The following ERVFRD-1 variants were observed in gnomAD, a reference collection of about 807,000 sequenced individuals.
The protein encoded by ERVFRD-1 is endogenous retrovirus group FRD member 1, envelope.
ERVFRD-1 carries 33 observed loss-of-function variants against 43.8 expected under a neutral mutation model. The ratio of observed to expected loss-of-function variants is 0.75; its 90% CI spans 0.57 to 1.01. ERVFRD-1 has a LOEUF of 1.01. ERVFRD-1 is among the 50% of genes least tolerant of loss of function. The pLI is 0.00. For missense variants in ERVFRD-1, 568 were observed against 658.4 expected (o/e 0.86, Z 1.50); for synonymous variants, 239 against 244.4 (o/e 0.98, Z 0.21).
At chr6:11,106,714 G>A (rs988843156) in intron 1 of ERVFRD-1, among the ~76,000 whole-genome samples, 1 of 152,216 alleles carries the variant, frequency 6.6e-6, no homozygotes, top group African/African-American at 2.4e-5. Context: ...TGAGATGCCT[G>A]TCTCTTTAGC....
chr6:11,104,664 A>G lies in ERVFRD-1; in HGVS notation c.647T>C (p.Leu216Pro). The change falls in exon 2 of 2, where the codon CTG becomes CCG. Residue 216 changes from leucine (L) to proline (P), a missense_variant. Physicochemically the swap from Leu to Pro is moderately conservative, Grantham distance 98 (BLOSUM62 -3). Coordinates refer to ENST00000472091, the MANE Select transcript of ERVFRD-1 (RefSeq NM_207582.3). ...TGTAGAGCTGAGGTTGGAAATTTGCAGACATTGGTTATAATCAGCAGGCCG... is the reference window on the plus strand; with the variant it reads ...TGTAGAGCTGAGGTTGGAAATTTGCGGACATTGGTTATAATCAGCAGGCCG... ...WFRPADYNQC[L>P]QISNLSSTAE... is the part of the protein sequence containing the mutation. 6.2e-7 allele frequency: 1 copy of G among 1,614,250 alleles called. No homozygotes were observed. Among genetic ancestry groups the G allele is most frequent in the Non-Finnish European group, 8.5e-7 (1 of 1,180,048 alleles).
At chr6:11,109,695 T>C (rs114852855) in intron 1 of ERVFRD-1, among the ~76,000 whole-genome samples, 130 of 152,328 alleles carry the variant, frequency 8.5e-4, no homozygotes, top group African/African-American at 3.1e-3. Context: ...CCAAGATTCC[T>C]GGTCCTAGAG....
chr6:11,106,384 G>A (rs754449597), intron 1 of ERVFRD-1, among the ~76,000 whole-genome samples: 4 of 152,208 alleles, frequency 2.6e-5, no homozygotes, highest in Non-Finnish European at 5.9e-5. Context: ...GGGCTTCCCC[G>A]TCTGGGGATT....
rs1758030423 is a variant in ERVFRD-1 at position 11,103,548 on chromosome 6, T to G, written c.*146A>C. ...CTGCTGACAGAGGGGCTGTAGTGGT[T>G]GTTCTGTGGGTCTTGGCCTCTTGCT... On this transcript the variant is annotated 3_prime_UTR_variant, in exon 2 of 2. Coordinates refer to ENST00000472091, the MANE Select transcript of ERVFRD-1 (RefSeq NM_207582.3). The G allele has an allele frequency of 8.2e-7, 1 of 1,221,130 alleles. No homozygotes were observed. Among genetic ancestry groups the G allele is most frequent in the African/African-American group, 1.5e-5 (1 of 65,812 alleles). The allele number at this position is 1,221,130 out of a possible 1,614,324, so 75.6% of individuals were successfully genotyped here. A position where few individuals can be genotyped will look rare whatever the true frequency, so the allele number is the denominator to read the frequency against.
Position 11,104,583 on chromosome 6 carries a change from G to C in ERVFRD-1, c.728C>G (p.Thr243Ser). The C allele has an allele frequency of 6.2e-7, 1 of 1,613,260 alleles. No individual in the cohort carries two copies. Among genetic ancestry groups the C allele is most frequent in the Non-Finnish European group, 8.5e-7 (1 of 1,179,574 alleles). ...TRNSLFWENK[T>S]KGANQSQTPC... is the part of the protein sequence containing the mutation. ...TGTTTGGCTCTGGTTAGCTCCCTTG[G>C]TTTTATTTTCCCAAAAAAGAGAATT... is the stretch of plus-strand genomic sequence containing the variant. The change falls in exon 2 of 2, where the codon ACC becomes AGC. Residue 243 changes from threonine to serine, a missense_variant. Transcript: ENST00000472091.
chr6:11,103,680 T>C lies in ERVFRD-1; in HGVS notation c.*14A>G. On this transcript the variant is annotated 3_prime_UTR_variant, in exon 2 of 2. Transcript: ENST00000472091. Reference sequence around the variant, plus strand: ...TCTGTCGTGTTCCACTAGCGAGCAGTCTAGGGGTCCTCCTTAGAAGGGTGA... The same window carrying C: ...TCTGTCGTGTTCCACTAGCGAGCAGCCTAGGGGTCCTCCTTAGAAGGGTGA... The C allele has an allele frequency of 2.6e-6, 4 of 1,544,636 alleles. No individual in the cohort carries two copies. Among genetic ancestry groups the C allele is most frequent in the Non-Finnish European group, 3.5e-6 (4 of 1,143,320 alleles).
intron 1 of ERVFRD-1, among the ~76,000 whole-genome samples, chr6:11,110,604 C>T (rs919834642): frequency 2.0e-5 from 3 of 152,160 alleles, no homozygotes; most frequent in Non-Finnish European, 2.9e-5. Flanking sequence ...ATTTGGGATT[C>T]TTCATCCTCC....
In ERVFRD-1 at chr6:11,105,536, T is replaced by A. The variant is rs1366877516; in HGVS notation, c.-226A>T. On this transcript the variant is annotated 5_prime_UTR_variant, in exon 2 of 2. Transcript: ENST00000472091. Reference sequence around the variant, plus strand: ...GTGCCTTGCAAGTGTATTCCGGAGCTGAGGTTGCTGGTTCTGGCTCTGGAG... The same window carrying A: ...GTGCCTTGCAAGTGTATTCCGGAGCAGAGGTTGCTGGTTCTGGCTCTGGAG... 7 of 495,396 alleles carry A rather than the reference T, an allele frequency of 1.4e-5. No homozygotes were observed. The highest frequency in any genetic ancestry group is 7.0e-5 in the Admixed American group (2 of 28,408). 30.7% of individuals were successfully genotyped at this position (495,396 alleles called of 1,614,324 possible). A position where few individuals can be genotyped will look rare whatever the true frequency, so the allele number is the denominator to read the frequency against.
rs1360246548 is a variant in ERVFRD-1, at chr6:11,103,335, A to T, written c.*359T>A. On this transcript the variant is annotated 3_prime_UTR_variant, in exon 2 of 2. Transcript: ENST00000472091. The stretch of plus-strand genomic sequence containing the variant: ...CTGGCGCCAGCTGCCACTCATTATT[A>T]TGTTAGAGACACAGCTTAACAACTG... 1 of 206,306 alleles carries T rather than the reference A, an allele frequency of 4.8e-6. No individual in the cohort carries two copies. Among genetic ancestry groups the T allele is most frequent in the African/African-American group, 2.3e-5 (1 of 43,304 alleles). The allele number at this position is 206,306 out of a possible 1,614,324, so 12.8% of individuals were successfully genotyped here.
chr6:11,104,946 A>T lies in ERVFRD-1; in HGVS notation c.365T>A (p.Ile122Lys), dbSNP rs1486912552. The T allele has an allele frequency of 1.2e-6, 2 of 1,614,226 alleles. No homozygotes were observed. The highest frequency in any genetic ancestry group is 3.3e-5 in the Admixed American group (2 of 60,028). Residue 122 changes from isoleucine to lysine, a missense_variant, in exon 2 of 2, where the codon ATA (isoleucine) becomes AAA (lysine). Ile to Lys is a moderately radical substitution (Grantham distance 102). Coordinates refer to ENST00000472091, the MANE Select transcript of ERVFRD-1 (RefSeq NM_207582.3). ...TTTGGCCATAACACAAATAGGGGCT[A>T]TTCCCATTAGGTTGATATTAGTAAA... ...PIFTNINLMG[I>K]APICVMAKRK...
In ERVFRD-1 at chr6:11,104,174, G is replaced by A; in HGVS notation, c.1137C>T (p.Leu379=). ...TTTCCTTTGAGAGCTGGCTATAGGT[G>A]AGGGAAGCTTTTGTGATTCCAGCAA... is the stretch of plus-strand genomic sequence containing the variant. The part of the protein sequence containing the change: ...TGIAGITKAS[L]TYSQLSKEIA... The change falls in exon 2 of 2, where the codon CTC becomes CTT. Residue 379 remains leucine, a synonymous_variant. Transcript: ENST00000472091. 1 of 1,551,726 alleles carries A rather than the reference G, an allele frequency of 6.4e-7. No individual in the cohort carries two copies.
Position 11,105,203 on chromosome 6 carries a change from T to C in ERVFRD-1, c.108A>G (p.Gly36=), listed in dbSNP as rs1392879620. The change falls in exon 2 of 2, where the codon GGA becomes GGG. Residue 36 remains glycine (G), a synonymous_variant. Transcript: ENST00000472091. The part of the protein sequence containing the change: ...EKAQQLLQST[G]SPYSTNCWLC... ...ACCAGCAATTGGTGGAGTAAGGGGATCCTGTACTTTGGAGCAGTTGCTGAG... is the reference window on the plus strand; with the variant it reads ...ACCAGCAATTGGTGGAGTAAGGGGACCCTGTACTTTGGAGCAGTTGCTGAG... The C allele has an allele frequency of 6.2e-7, 1 of 1,614,038 alleles. No individual in the cohort carries two copies. Among genetic ancestry groups the C allele is most frequent in the African/African-American group, 1.3e-5 (1 of 74,900 alleles).
intron 1 of ERVFRD-1, among the ~76,000 whole-genome samples, chr6:11,110,279 T>C (rs180956237): frequency 1.3e-5 from 2 of 152,286 alleles, no homozygotes; most frequent in East Asian, 1.9e-4. Flanking sequence ...GTAATCTGTT[T>C]TGTGTTTGTA....
rs1451600995 is a variant in ERVFRD-1, at chr6:11,104,267, C to T, written c.1044G>A (p.Val348=). The T allele has an allele frequency of 2.6e-6, 4 of 1,551,712 alleles. No homozygotes were observed. The highest frequency in any genetic ancestry group is 2.0e-5 in the Admixed American group (1 of 51,010). ...GGGGAATGAAATGGATTGCCCTCCT[C>T]ACCCTGGGCAACGGGGAATTCCCAT... is the stretch of plus-strand genomic sequence containing the variant. ...PIYGNSPLPR[V]RRAIHFIPLL... The change falls in exon 2 of 2, where the codon GTG becomes GTA. Residue 348 remains valine, a synonymous_variant. Coordinates refer to ENST00000472091, the MANE Select transcript of ERVFRD-1 (RefSeq NM_207582.3).
In ERVFRD-1 at chr6:11,103,736, A is replaced by T. The variant is rs1758034863; in HGVS notation, c.1575T>A (p.Ser525Arg). ...LQAIKLQTNLSAGRHPRNIQE... is the reference protein window; with the variant it reads ...LQAIKLQTNLRAGRHPRNIQE... ...GAATATTGCGAGGATGGCGTCCTGCACTGAGATTCGTCTGGAGCTTTATGG... is the reference window on the plus strand; with the variant it reads ...GAATATTGCGAGGATGGCGTCCTGCTCTGAGATTCGTCTGGAGCTTTATGG... The change falls in exon 2 of 2, where the codon AGT (serine) becomes AGA (arginine). Residue 525 changes from serine to arginine, a missense_variant. By Grantham distance (110) the Ser-to-Arg change is moderately radical (BLOSUM62 -1). Transcript: ENST00000472091. The T allele has an allele frequency of 6.4e-7, 1 of 1,551,682 alleles. No individual in the cohort carries two copies. The highest frequency in any genetic ancestry group is 8.7e-7 in the Non-Finnish European group (1 of 1,146,996).
Position 11,103,342 on chromosome 6 carries a change from A to C in ERVFRD-1, c.*352T>G, listed in dbSNP as rs556543857. The stretch of plus-strand genomic sequence containing the variant: ...CAGCTGCCACTCATTATTATGTTAG[A>C]GACACAGCTTAACAACTGCCTCACC... On this transcript the variant is annotated 3_prime_UTR_variant, in exon 2 of 2. Coordinates refer to ENST00000472091, the MANE Select transcript of ERVFRD-1 (RefSeq NM_207582.3). The C allele has an allele frequency of 2.2e-4, 49 of 223,986 alleles. No individual in the cohort carries two copies. The highest frequency in any genetic ancestry group is 5.4e-4 in the African/African-American group (24 of 44,198). 13.9% of individuals were successfully genotyped at this position (223,986 alleles called of 1,614,324 possible).
intron 1 of ERVFRD-1, among the ~76,000 whole-genome samples, chr6:11,105,889 C>T (rs36021520): frequency 0.19 from 28,807 of 151,980 alleles, 3,094 homozygotes; most frequent in African/African-American, 0.29. Context: ...TAGGAATGGC[C>T]TACCATATAA....
At chr6:11,110,576 G>T (rs1758151896) in intron 1 of ERVFRD-1, among the ~76,000 whole-genome samples, 1 of 152,124 alleles carries the variant, frequency 6.6e-6, no homozygotes, top group South Asian at 2.1e-4. Flanking sequence ...GTGATTAGAG[G>T]AATGGAGGAA....
rs141469166 is a variant in ERVFRD-1 at position 11,103,263 on chromosome 6, G to T, written c.*431C>A. On this transcript the variant is annotated 3_prime_UTR_variant, in exon 2 of 2. Coordinates refer to ENST00000472091, the MANE Select transcript of ERVFRD-1 (RefSeq NM_207582.3). ...CCTGAGATCTTATCAGGAAGTGGCT[G>T]ATCACCAGCTTCAGGTGTTTCCTAT... The T allele has an allele frequency of 3.3e-4, 55 of 166,878 alleles. No individual in the cohort carries two copies. Among genetic ancestry groups the T allele is most frequent in the African/African-American group, 1.2e-3 (52 of 41,934 alleles). 10.3% of individuals were successfully genotyped at this position (166,878 alleles called of 1,614,324 possible).
Sources: gnomAD v4.1 joint callset for allele counts (sites outside exome capture counted in the v4.1 genomes callset) on GRCh38, gnomAD v4.1.1 for gene constraint, MANE v1.5 for transcripts, NCBI Gene and HGNC (gene_info 2026-07-23, HGNC 2026-07-21) for gene names.